Variants in DAB2IP observed in about 807,000 individuals in gnomAD.
DAB2IP encodes the protein DAB2 interacting protein.
A neutral mutation model predicts 107.2 loss-of-function variants in DAB2IP; 28 were observed. The observed-to-expected ratio is 0.26, with a 90% confidence interval of 0.19 to 0.36. The LOEUF is 0.36. Ranked by LOEUF, DAB2IP falls within the 10% of genes least tolerant of loss-of-function variation. DAB2IP has a pLI of 1.00. For missense variants in DAB2IP, 1,400 were observed against 1,644.7 expected, an observed-to-expected ratio of 0.85 and a Z score of 2.57; for synonymous variants, 755 against 706.4, an observed-to-expected ratio of 1.07 and a Z score of -1.09.
At chr9:121,717,890 C>T (rs934679663) in intron 3 of DAB2IP, among the ~76,000 whole-genome samples, 28 of 152,182 alleles carry the variant, frequency 1.8e-4, no homozygotes, top group African/African-American at 6.3e-4. Flanking sequence ...ACTCCTGGCC[C>T]AGAAGCCTCT....
chr9:121,591,024 A>G (rs1219632400), intron 1 of DAB2IP, among the ~76,000 whole-genome samples: 1 of 152,134 alleles, frequency 6.6e-6, no homozygotes, highest in Admixed American at 6.5e-5. Context: ...CCATTGGGAG[A>G]AGTTAACTGG....
At chr9:121,604,204 A>G (rs1278848200) in intron 1 of DAB2IP, among the ~76,000 whole-genome samples, 1 of 152,024 alleles carries the variant, frequency 6.6e-6, no homozygotes, top group Admixed American at 6.5e-5. Context: ...GACAAGGGGG[A>G]CATGTAAGAG....
chr9:121,675,875 G>A (rs1277332793), intron 1 of DAB2IP, among the ~76,000 whole-genome samples: 1 of 152,230 alleles, frequency 6.6e-6, no homozygotes, highest in East Asian at 1.9e-4. Flanking sequence ...GGTGAGAGAT[G>A]AAGGCAGACA....
intron 3 of DAB2IP, chr9:121,751,877 G>C: frequency 2.1e-6 from 2 of 962,590 alleles, no homozygotes; most frequent in African/African-American, 1.8e-5. Context: ...GCGGAGTCCA[G>C]GGCAGGTCAC....
rs576837977 is a variant in DAB2IP, at chr9:121,618,176, C to T, written c.40+50948C>T. Among the ~76,000 whole-genome samples the T allele has an allele frequency of 2.2e-3, 337 of 152,316 alleles. 1 individual carries two copies. Among genetic ancestry groups the T allele is most frequent in the Admixed American group, 3.7e-3 (57 of 15,294 alleles). On this transcript the variant is annotated intron_variant, in intron 1 of 16. Transcript: ENST00000259371. ...GATTACGATGGGATTATCTGTCTGT[C>T]TGTCTCTCTCTTCCCATTTCCCCCC...
chr9:121,591,657 C>G (rs1181700419), intron 1 of DAB2IP, among the ~76,000 whole-genome samples: 5 of 152,120 alleles, frequency 3.3e-5, no homozygotes, highest in African/African-American at 1.2e-4. Flanking sequence ...TGGAGAGGGG[C>G]CAGGTGGATG....
intron 1 of DAB2IP, among the ~76,000 whole-genome samples, chr9:121,656,259 C>T (rs564685350): frequency 1.5e-4 from 23 of 152,100 alleles, no homozygotes; most frequent in African/African-American, 4.3e-4. Flanking sequence ...ACACCCGCCT[C>T]GGCCTCCCAA....
intron 3 of DAB2IP, among the ~76,000 whole-genome samples, chr9:121,703,299 T>C (rs1829879137): frequency 6.6e-6 from 1 of 152,176 alleles, no homozygotes; most frequent in Non-Finnish European, 1.5e-5. Context: ...CCTGCTTTAG[T>C]TGCTGACAGT....
At chr9:121,647,865 T>C (rs908712926), upstream of DAB2IP, among the ~76,000 whole-genome samples, 2 of 149,784 alleles carry the variant, frequency 1.3e-5, no homozygotes, top group Non-Finnish European at 3.0e-5. Flanking sequence ...TACATATACG[T>C]ATTATATATA....
chr9:121,718,111 A>G (rs1211458784), intron 3 of DAB2IP, among the ~76,000 whole-genome samples: 3 of 151,928 alleles, frequency 2.0e-5, no homozygotes, highest in Non-Finnish European at 4.4e-5. Flanking sequence ...AGAGCGACCC[A>G]TCCTCAGTCC....
chr9:121,721,980 C>G (rs531808510), intron 3 of DAB2IP, among the ~76,000 whole-genome samples: 193 of 152,280 alleles, frequency 1.3e-3, no homozygotes, highest in African/African-American at 4.6e-3. Context: ...CAGGCCTGAC[C>G]CAGGCTGCCC....
chr9:121,688,396 C>G (rs1031444436), intron 2 of DAB2IP, among the ~76,000 whole-genome samples: 1 of 152,184 alleles, frequency 6.6e-6, no homozygotes, highest in Non-Finnish European at 1.5e-5. Flanking sequence ...ACGAGCTGAG[C>G]TTGTTACTCC....
chr9:121,742,835 A>T (rs1564193278), intron 3 of DAB2IP: 11 of 985,436 alleles, frequency 1.1e-5, no homozygotes, highest in Non-Finnish European at 1.3e-5. Context: ...CAGTCTTCTC[A>T]TCTGGAAGAT....
intron 1 of DAB2IP, among the ~76,000 whole-genome samples, chr9:121,615,024 G>T (rs1831221859): frequency 6.6e-6 from 1 of 152,282 alleles, no homozygotes; most frequent in South Asian, 2.1e-4. Flanking sequence ...GTGAGCCACC[G>T]TGCTGGGCCT....
chr9:121,770,396 T>A (rs560146730), intron 10 of DAB2IP, 150 bp from the exon 11 acceptor site: 1 of 828,888 alleles, frequency 1.2e-6, no homozygotes, highest in South Asian at 1.9e-5. Flanking sequence ...CTCACCCCCC[T>A]CCCAGACCCA....
In DAB2IP at chr9:121,713,922, C is replaced by T. The variant is rs569935872; in HGVS notation, c.362+14464C>T. Among the ~76,000 whole-genome samples, 15 of 152,256 alleles carry T rather than the reference C, an allele frequency of 9.9e-5. No homozygotes were observed. In the East Asian group the frequency reaches 1.7e-3, roughly 18 times the overall value. On this transcript the variant is annotated intron_variant, in intron 3 of 15. Transcript: ENST00000408936. ...TGACACATGGACCCAGATCCAGATC[C>T]GACGCCCTGACTTCCTCCATGATCT...
intron 3 of DAB2IP, among the ~76,000 whole-genome samples, chr9:121,738,572 A>C (rs1832096209): frequency 6.6e-6 from 1 of 152,134 alleles, no homozygotes; most frequent in South Asian, 2.1e-4. Context: ...CTAACTTCTC[A>C]GGCCTGCAGT....
chr9:121,581,528 C>T (rs561683519), intron 1 of DAB2IP, among the ~76,000 whole-genome samples: 1 of 152,282 alleles, frequency 6.6e-6, no homozygotes, highest in South Asian at 2.1e-4. Context: ...GAAAACGTAG[C>T]CCCATTTTAC....
chr9:121,626,882 T>G (rs745716170), intron 1 of DAB2IP, among the ~76,000 whole-genome samples: 25 of 152,114 alleles, frequency 1.6e-4, no homozygotes, highest in Non-Finnish European at 2.9e-4. Flanking sequence ...TTAATCTATT[T>G]TTTAAAAAAT....
Sources: gnomAD v4.1 joint callset for allele counts (sites outside exome capture counted in the v4.1 genomes callset) on GRCh38, gnomAD v4.1.1 for gene constraint, MANE v1.5 for transcripts, NCBI Gene and HGNC (gene_info 2026-07-23, HGNC 2026-07-21) for gene names.